TTC28: variants seen among roughly 807,000 people sequenced by gnomAD.
The protein encoded by TTC28 is tetratricopeptide repeat domain 28.
TTC28 carries 61 observed loss-of-function variants against 198.0 expected under a neutral mutation model. That is an observed-to-expected ratio of 0.31 (90% CI 0.25 to 0.38). The LOEUF is 0.38. TTC28 is among the 10% of genes least tolerant of loss of function. The pLI is 1.00. For missense variants in TTC28, 2,678 were observed against 3,164.0 expected (o/e 0.85, Z 3.69); for synonymous variants, 1,171 against 1,297.8 (o/e 0.90, Z 2.10).
At chr22:28,164,671 G>C (rs1304859248) in intron 5 of TTC28, among the ~76,000 whole-genome samples, 1 of 152,152 alleles carries the variant, frequency 6.6e-6, no homozygotes, top group African/African-American at 2.4e-5. Context: ...CACCAAAGTA[G>C]ATAAAACCAC....
At chr22:28,301,532 T>C (rs542836298) in intron 3 of TTC28, among the ~76,000 whole-genome samples, 2 of 152,268 alleles carry the variant, frequency 1.3e-5, no homozygotes, top group East Asian at 3.9e-4. Flanking sequence ...AAAATCACAC[T>C]CAACTAAGAG....
intron 2 of TTC28, among the ~76,000 whole-genome samples, chr22:28,599,905 T>C (rs1426432075): frequency 6.6e-6 from 1 of 152,198 alleles, no homozygotes; most frequent in Non-Finnish European, 1.5e-5. Context: ...ATCCAACTAA[T>C]TTCATTTCTT....
intron 2 of TTC28, among the ~76,000 whole-genome samples, chr22:28,411,062 T>C (rs1318390337): frequency 1.3e-5 from 2 of 152,164 alleles, no homozygotes; most frequent in East Asian, 3.9e-4. Context: ...TTCAAGTTTG[T>C]GTAAGAAATA....
intron 2 of TTC28, among the ~76,000 whole-genome samples, chr22:28,372,002 T>C (rs1048383899): frequency 1.1e-4 from 17 of 152,102 alleles, no homozygotes; most frequent in East Asian, 3.9e-4. Flanking sequence ...GGTGGGAGGA[T>C]TGCTTGATCC....
At chr22:28,431,579 A>T (rs530103799) in intron 2 of TTC28, among the ~76,000 whole-genome samples, 1 of 152,318 alleles carries the variant, frequency 6.6e-6, no homozygotes, top group East Asian at 1.9e-4. Flanking sequence ...CCTTTAACTG[A>T]TATCTCTTAC....
At chr22:28,242,786 G>A (rs368614586) in intron 5 of TTC28, among the ~76,000 whole-genome samples, 1 of 151,894 alleles carries the variant, frequency 6.6e-6, no homozygotes, top group Non-Finnish European at 1.5e-5. Context: ...CTTAATGTCT[G>A]TGACCAATAA....
intron 2 of TTC28, among the ~76,000 whole-genome samples, chr22:28,455,212 T>C (rs1209715192): frequency 6.6e-6 from 1 of 152,162 alleles, no homozygotes. Flanking sequence ...GAGATAACTT[T>C]CCATGTTAGC....
intron 1 of TTC28, among the ~76,000 whole-genome samples, chr22:28,653,503 T>TA (rs112597005): frequency 0.04 from 5,514 of 138,568 alleles, 150 homozygotes; most frequent in African/African-American, 0.074. Context: ...GACCTTGTCT[T>TA]AAAAAAAAAA....
At chr22:28,549,101 C>T (rs1361124092) in intron 2 of TTC28, among the ~76,000 whole-genome samples, 6 of 151,998 alleles carry the variant, frequency 3.9e-5, no homozygotes, top group Admixed American at 1.3e-4. Context: ...GATCTCAGCT[C>T]ACTGCAGCCT....
intron 2 of TTC28, among the ~76,000 whole-genome samples, chr22:28,603,862 A>G (rs189226473): frequency 5.9e-5 from 9 of 152,364 alleles, no homozygotes; most frequent in Admixed American, 2.0e-4. Context: ...AAGTGTTGCT[A>G]TAACAAAATA....
intron 5 of TTC28, among the ~76,000 whole-genome samples, chr22:28,163,970 T>G (rs952164530): frequency 6.6e-6 from 1 of 152,182 alleles, no homozygotes; most frequent in Non-Finnish European, 1.5e-5. Context: ...TCCAATGGGC[T>G]TAACAAACGG....
At chr22:28,383,471 A>G (rs1035710763) in intron 2 of TTC28, among the ~76,000 whole-genome samples, 5 of 152,174 alleles carry the variant, frequency 3.3e-5, no homozygotes, top group African/African-American at 1.2e-4. Flanking sequence ...ACAAATGTAC[A>G]CTCAAATCTC....
In TTC28 at chr22:28,402,805, G is replaced by T. The variant is rs542884174; in HGVS notation, c.382-96162C>A. Among the ~76,000 whole-genome samples, 3 of 152,316 alleles carry T rather than the reference G, an allele frequency of 2.0e-5. No individual in the cohort carries two copies. The South Asian group carries it at 6.2e-4, about 32-fold the overall frequency. ...GCACACAGGACACACTCAGTAAATG[G>T]TAACTGTTGCTATCATTAGCGTTGA... On this transcript the variant is annotated intron_variant, in intron 2 of 22. Transcript: ENST00000397906.
At chr22:28,017,404 C>T (rs543733629) in intron 13 of TTC28, among the ~76,000 whole-genome samples, 3 of 152,324 alleles carry the variant, frequency 2.0e-5, no homozygotes, top group East Asian at 1.9e-4. Flanking sequence ...GGGGCAGCAC[C>T]GGGGATAAGT....
intron 2 of TTC28, among the ~76,000 whole-genome samples, chr22:28,536,420 C>G (rs1029938171): frequency 6.6e-6 from 1 of 151,340 alleles, no homozygotes; most frequent in African/African-American, 2.4e-5. Flanking sequence ...GTCAGGAGAT[C>G]GAGACCATCC....
At chr22:28,608,080 CAACA>C (rs1452826138) in intron 2 of TTC28, among the ~76,000 whole-genome samples, 1 of 152,122 alleles carries the variant, frequency 6.6e-6, no homozygotes, top group Non-Finnish European at 1.5e-5. Flanking sequence ...GGAAATTAAC[CAACA>C]AACTGTACCA....
At chr22:28,424,670 A>G (rs1278895730) in intron 2 of TTC28, among the ~76,000 whole-genome samples, 2 of 152,204 alleles carry the variant, frequency 1.3e-5, no homozygotes, top group East Asian at 3.9e-4. Flanking sequence ...TGGCTTCGAT[A>G]TGAGGTCATT....
At chr22:28,621,742 TAAAAA>T (rs771463983) in intron 2 of TTC28, among the ~76,000 whole-genome samples, 22 of 76,156 alleles carry the variant, frequency 2.9e-4, no homozygotes, top group African/African-American at 1.0e-3. Flanking sequence ...GACTGTCTCT[TAAAAA>T]AAAAAAAAAA....
At chr22:28,439,066 T>C (rs1601399327) in intron 2 of TTC28, among the ~76,000 whole-genome samples, 1 of 152,300 alleles carries the variant, frequency 6.6e-6, no homozygotes, top group Non-Finnish European at 1.5e-5. Context: ...CCTAAAAATA[T>C]AGGTTTTAAA....
Sources: gnomAD v4.1 joint callset for allele counts (sites outside exome capture counted in the v4.1 genomes callset) on GRCh38, gnomAD v4.1.1 for gene constraint, MANE v1.5 for transcripts, NCBI Gene and HGNC (gene_info 2026-07-23, HGNC 2026-07-21) for gene names.